The following SLC13A5 variants were observed in gnomAD, a reference collection of about 807,000 sequenced individuals.
SLC13A5 encodes the protein solute carrier family 13 member 5, also known as Na(+)/citrate cotransporter.
In SLC13A5, 25 loss-of-function variants were observed where a neutral mutation model predicts 56.5. The observed-to-expected ratio is 0.44, with a 90% CI of 0.32 to 0.62. The LOEUF (loss-of-function observed/expected upper bound fraction) is 0.62, where lower values mean the gene tolerates loss of function less well. Among genes scored for constraint, SLC13A5 ranks in the 20% least tolerant of loss-of-function variants. SLC13A5 has a pLI of 0.04. For missense variants in SLC13A5, 649 were observed against 737.8 expected, an observed-to-expected ratio of 0.88 and a Z score of 1.39; for synonymous variants, 307 against 301.5, an observed-to-expected ratio of 1.02 and a Z score of -0.19.
intron 6 of SLC13A5, among the ~76,000 whole-genome samples, chr17:6,700,534 T>C (rs1055472894): frequency 2.6e-5 from 4 of 152,236 alleles, no homozygotes; most frequent in Non-Finnish European, 5.9e-5. Context: ...AATGTCGAAC[T>C]GGCACGTGGG....
Position 6,698,337 on chromosome 17 carries a change from G to A in SLC13A5, c.840-2396C>T, listed in dbSNP as rs1248833404. Among the ~76,000 whole-genome samples, 3 of 152,242 alleles carry A rather than the reference G, an allele frequency of 2.0e-5. No individual in the cohort carries two copies. In the East Asian group the frequency reaches 5.8e-4, roughly 29 times the overall value. ...GATGAAGGCCGTGCCAGGCTGGGTGGACTCAGCTTCAGGTTCTGGCTGTGA... is the reference window on the plus strand; with the variant it reads ...GATGAAGGCCGTGCCAGGCTGGGTGAACTCAGCTTCAGGTTCTGGCTGTGA... On this transcript the variant is annotated intron_variant, in intron 6 of 11. Transcript: ENST00000433363.
At chr17:6,697,749 G>A (rs909319412) in intron 6 of SLC13A5, among the ~76,000 whole-genome samples, 3 of 152,178 alleles carry the variant, frequency 2.0e-5, no homozygotes, top group East Asian at 1.9e-4. Context: ...GGGACAGTTA[G>A]GTATAACCAG....
intron 1 of SLC13A5, among the ~76,000 whole-genome samples, chr17:6,708,993 C>CTTTTTTTTTTTTTTTTTT (rs575087645): frequency 1.2e-4 from 16 of 133,030 alleles, no homozygotes; most frequent in East Asian, 4.5e-4. Flanking sequence ...TCTTTTATTT[C>CTTTTTTTTTTTTTTTTTT]TTTTTTTTTT....
rs1197782289 is a variant in SLC13A5 at position 6,690,893 on chromosome 17, GTGCAAGGGCTCCATC to G, written c.1308_1322del (p.Gln436_Leu440del). On this transcript the variant is annotated inframe_deletion, in exon 10 of 12. Coordinates refer to ENST00000433363, the MANE Select transcript of SLC13A5 (RefSeq NM_177550.5). ...AGGTGATGGCTGCCGGGGGCACTGC[GTGCAAGGGCTCCATC>G]TGCTTCCCCATCCACACGGACAGCC... is the stretch of plus-strand genomic sequence containing the variant. The G allele has an allele frequency of 3.1e-6, 5 of 1,614,058 alleles. No individual in the cohort carries two copies. Among genetic ancestry groups the G allele is most frequent in the Non-Finnish European group, 4.2e-6 (5 of 1,179,948 alleles).
intron 1 of SLC13A5, among the ~76,000 whole-genome samples, chr17:6,707,829 A>T (rs62061543): frequency 0.14 from 20,723 of 151,844 alleles, 1,488 homozygotes; most frequent in African/African-American, 0.15. Flanking sequence ...GGAGGGAGGG[A>T]TTAAAATCTC....
chr17:6,699,337 G>T, intron 6 of SLC13A5, among the ~76,000 whole-genome samples: 1 of 152,150 alleles, frequency 6.6e-6, no homozygotes. Flanking sequence ...TCAAAGCCAG[G>T]CTGGGTGGCC....
In SLC13A5 at chr17:6,703,676, C is replaced by T. The variant is rs76446096; in HGVS notation, c.547+202G>A. Among the ~76,000 whole-genome samples, 15,829 of 152,188 alleles carry T rather than the reference C, an allele frequency of 0.1. 976 individuals are homozygous for T. Among genetic ancestry groups the T allele is most frequent in the East Asian group, 0.29 (1,482 of 5,184 alleles). On this transcript the variant is annotated intron_variant, in intron 4 of 11. Transcript: ENST00000433363. ...ACTGAGGGTGAGACTTTGTTCAAAG[C>T]TCTATTAAAGGATCTAAGTTGTGTG...
At chr17:6,693,241 T>C (rs1163402804) in intron 8 of SLC13A5, 79 bp from the exon 9 acceptor site, 1 of 868,382 alleles carries the variant, frequency 1.2e-6, no homozygotes, top group African/African-American at 1.9e-5. Context: ...CAGAGCAGCA[T>C]TAGAAGACAA....
chr17:6,688,029 A>C, intron 10 of SLC13A5: 1 of 169,764 alleles, frequency 5.9e-6, no homozygotes, highest in East Asian at 1.6e-4. Flanking sequence ...GCCAGGGACC[A>C]CATCTTCTCT....
chr17:6,698,992 G>A (rs1454622414), intron 6 of SLC13A5, among the ~76,000 whole-genome samples: 1 of 150,614 alleles, frequency 6.6e-6, no homozygotes, highest in African/African-American at 2.5e-5. Flanking sequence ...GCAGCGAGCC[G>A]AGATCATACC....
chr17:6,685,984 A>G lies in SLC13A5; in HGVS notation c.*223T>C. 1 of 617,626 alleles carries G rather than the reference A, an allele frequency of 1.6e-6. No homozygotes were observed. The highest frequency in any genetic ancestry group is 1.9e-5 in the South Asian group (1 of 52,038). 38.3% of individuals were successfully genotyped at this position (617,626 alleles called of 1,614,324 possible). Reference sequence around the variant, plus strand: ...TTGGGAAAGATGGGTCCAGCAGCCCACTGAGGGGTTCCCTTCATTTCTGAG... The same window carrying G: ...TTGGGAAAGATGGGTCCAGCAGCCCGCTGAGGGGTTCCCTTCATTTCTGAG... On this transcript the variant is annotated 3_prime_UTR_variant, in exon 12 of 12. Coordinates refer to ENST00000433363, the MANE Select transcript of SLC13A5 (RefSeq NM_177550.5). This position sits in a 1 kb window ranked among gnomAD's most constrained non-coding sequence, Gnocchi z 4.2.
intron 5 of SLC13A5, among the ~76,000 whole-genome samples, chr17:6,702,596 G>A (rs1429983786): frequency 6.6e-6 from 1 of 152,180 alleles, no homozygotes; most frequent in Non-Finnish European, 1.5e-5. Flanking sequence ...TTTCAACCAA[G>A]GACCCAGCGT....
intron 10 of SLC13A5, chr17:6,688,936 A>G (rs1340102658): frequency 6.6e-6 from 1 of 152,202 alleles, no homozygotes. Context: ...TACTATGAGC[A>G]TGTTCCCATT....
At chr17:6,706,866 C>T (rs1973882569) in intron 2 of SLC13A5, 88 bp from the exon 3 acceptor site, 2 of 1,580,214 alleles carry the variant, frequency 1.3e-6, no homozygotes, top group Non-Finnish European at 1.7e-6. Context: ...TCAGGGACAG[C>T]TTGGAGTGGG....
At chr17:6,697,497 C>G (rs1049098275) in intron 6 of SLC13A5, among the ~76,000 whole-genome samples, 1 of 152,236 alleles carries the variant, frequency 6.6e-6, no homozygotes, top group Non-Finnish European at 1.5e-5. Context: ...GATGACCAGG[C>G]TGGCATGAGA....
At chr17:6,690,096 C>CAAAAAAAAA (rs1567614272) in intron 10 of SLC13A5, 1 of 72,158 alleles carries the variant, frequency 1.4e-5, no homozygotes, top group African/African-American at 5.1e-5. Context: ...AAAAAAAAAA[C>CAAAAAAAAA]CATAGCCACT....
At position 6,687,898 on chromosome 17, in the gene SLC13A5, A is replaced by G; in HGVS notation, c.1438-232T>C. On this transcript the variant is annotated intron_variant, in intron 10 of 11. Coordinates refer to ENST00000433363, the MANE Select transcript of SLC13A5 (RefSeq NM_177550.5). The surrounding 1 kb of genome is among the most constrained non-coding windows in gnomAD (Gnocchi z 5.0). The stretch of plus-strand genomic sequence containing the variant: ...GCCTTACCCCCTCAATTCATTCGAC[A>G]TGTATTTCTTGGGCACCTACTATGT... 1 of 447,776 alleles carries G rather than the reference A, an allele frequency of 2.2e-6. No homozygotes were observed. 27.7% of individuals were successfully genotyped at this position (447,776 alleles called of 1,614,324 possible). A position where few individuals can be genotyped will look rare whatever the true frequency, so the allele number is the denominator to read the frequency against.
chr17:6,703,258 C>G (rs1358608700), intron 4 of SLC13A5, 120 bp from the exon 5 acceptor site: 2 of 1,229,368 alleles, frequency 1.6e-6, no homozygotes, highest in African/African-American at 3.0e-5. Flanking sequence ...ATTTAGCTGC[C>G]CCACTGGGCT....
chr17:6,706,924 AG>A, intron 2 of SLC13A5, 103 bp downstream of exon 2: 1 of 1,562,722 alleles, frequency 6.4e-7, no homozygotes, highest in Non-Finnish European at 8.7e-7. Context: ...TCCACAAATG[AG>A]GGTTTTCCGG....
Sources: allele counts gnomAD v4.1 joint callset (sites outside exome capture counted in the v4.1 genomes callset), GRCh38; gene constraint gnomAD v4.1.1; non-coding constraint Gnocchi (gnomAD v3.1); transcripts MANE v1.5; gene names NCBI Gene and HGNC (gene_info 2026-07-23, HGNC 2026-07-21).